The following GRM5 variants were observed in gnomAD, a reference collection of about 807,000 sequenced individuals.
The protein encoded by GRM5 is metabotropic glutamate receptor 5.
GRM5 carries 19 observed loss-of-function variants against 83.1 expected under a neutral mutation model. The ratio of observed to expected loss-of-function variants is 0.23; its 90% confidence interval spans 0.16 to 0.34. The LOEUF is 0.34. Among genes scored for constraint, GRM5 ranks in the 10% least tolerant of loss-of-function variants. The probability of loss-of-function intolerance (pLI) is 1.00; values close to 1 mark genes in which losing one functional copy is unlikely to be tolerated. For missense variants in GRM5, 1,160 were observed against 1,588.3 expected (o/e 0.73, Z 4.58); for synonymous variants, 675 against 633.6 (o/e 1.07, Z -0.98).
intron 3 of GRM5, among the ~76,000 whole-genome samples, chr11:88,682,804 T>C (rs1591437569): frequency 6.6e-6 from 1 of 152,190 alleles, no homozygotes; most frequent in East Asian, 1.9e-4. Context: ...TAAAGAAATA[T>C]GGACTTTTTC....
In GRM5 at chr11:88,851,916, T is replaced by G. The variant is rs533614780; in HGVS notation, c.662-1761A>C. On this transcript the variant is annotated intron_variant, in intron 2 of 9. Transcript: ENST00000305447. ...GCAATTAACAAAGTTTAAAGGGCAC[T>G]TTCTGAAAAATGTGCCAAAGGGCCT... Among the ~76,000 whole-genome samples the G allele has an allele frequency of 2.0e-5, 3 of 152,332 alleles. No individual in the cohort carries two copies. The South Asian group carries it at 6.2e-4, about 32-fold the overall frequency.
chr11:88,584,301 A>G (rs1212007088), intron 7 of GRM5, among the ~76,000 whole-genome samples: 1 of 151,934 alleles, frequency 6.6e-6, no homozygotes, highest in East Asian at 1.9e-4. Flanking sequence ...TTCTCTTACT[A>G]GATGATACTG....
At chr11:88,938,756 CTTTT>C (rs1182573029) in intron 2 of GRM5, among the ~76,000 whole-genome samples, 2 of 151,588 alleles carry the variant, frequency 1.3e-5, no homozygotes, top group East Asian at 3.9e-4. Flanking sequence ...ATTTGAATGT[CTTTT>C]TTTAACGAAT....
At chr11:88,576,316 G>T (rs780904446) in intron 7 of GRM5, among the ~76,000 whole-genome samples, 1 of 152,120 alleles carries the variant, frequency 6.6e-6, no homozygotes, top group Non-Finnish European at 1.5e-5. Context: ...GCCTGTACCC[G>T]TCATAGCACT....
intron 2 of GRM5, among the ~76,000 whole-genome samples, chr11:88,926,157 C>T (rs1246326187): frequency 6.6e-6 from 1 of 152,136 alleles, no homozygotes; most frequent in African/African-American, 2.4e-5. Context: ...TCAATGAATA[C>T]ATTACTTCTG....
chr11:88,781,686 C>T (rs1293198328), intron 3 of GRM5, among the ~76,000 whole-genome samples: 1 of 152,194 alleles, frequency 6.6e-6, no homozygotes, highest in Non-Finnish European at 1.5e-5. Flanking sequence ...TTGAAGAGTT[C>T]CTGCATTCCT....
At chr11:88,862,259 T>C (rs557128243) in intron 2 of GRM5, among the ~76,000 whole-genome samples, 34 of 152,334 alleles carry the variant, frequency 2.2e-4, no homozygotes, top group African/African-American at 7.9e-4. Context: ...ATTTGTCTCC[T>C]CAATTACAAA....
At chr11:88,681,992 C>T (rs1229800775) in intron 3 of GRM5, among the ~76,000 whole-genome samples, 2 of 152,160 alleles carry the variant, frequency 1.3e-5, no homozygotes, top group African/African-American at 2.4e-5. Flanking sequence ...TACTACCACA[C>T]ATTTAGCTAT....
At chr11:88,618,425 A>G (rs1938542151) in intron 4 of GRM5, among the ~76,000 whole-genome samples, 1 of 152,274 alleles carries the variant, frequency 6.6e-6, no homozygotes, top group East Asian at 1.9e-4. Flanking sequence ...GTTATATTCA[A>G]TTCTTTTTTC....
At chr11:88,553,139 C>A (rs1458168619) in intron 8 of GRM5, among the ~76,000 whole-genome samples, 2 of 152,262 alleles carry the variant, frequency 1.3e-5, no homozygotes, top group East Asian at 3.9e-4. Context: ...TGAAGTTGGA[C>A]TTCTGTTGTG....
At chr11:88,669,308 C>T (rs11020866) in intron 3 of GRM5, among the ~76,000 whole-genome samples, 2,717 of 152,150 alleles carry the variant, frequency 0.018, 64 homozygotes, top group East Asian at 0.095. Flanking sequence ...ATGACCTTGG[C>T]AACCTAGCTA....
At chr11:88,823,322 G>T (rs12279500) in intron 3 of GRM5, among the ~76,000 whole-genome samples, 3,873 of 151,308 alleles carry the variant, frequency 0.026, 174 homozygotes, top group African/African-American at 0.089. Context: ...AGCATTTCCT[G>T]CCACTTTTAA....
At chr11:88,993,134 C>T (rs1252583944) in intron 2 of GRM5, among the ~76,000 whole-genome samples, 21 of 151,788 alleles carry the variant, frequency 1.4e-4, no homozygotes, top group East Asian at 7.8e-4. Flanking sequence ...GGCATCCTGG[C>T]GGGCGCCTGT....
chr11:88,589,185 C>T (rs1473809215), intron 7 of GRM5, among the ~76,000 whole-genome samples: 2 of 150,382 alleles, frequency 1.3e-5, no homozygotes, highest in African/African-American at 5.0e-5. Flanking sequence ...TGCTCCTCAC[C>T]CTTCTTCAAG....
chr11:88,952,397 C>T (rs1409737371), intron 2 of GRM5, among the ~76,000 whole-genome samples: 2 of 152,190 alleles, frequency 1.3e-5, no homozygotes, highest in African/African-American at 4.8e-5. Flanking sequence ...CATACACTAG[C>T]CTGAAGGCTG....
At chr11:88,952,855 A>G (rs1445615709) in intron 2 of GRM5, among the ~76,000 whole-genome samples, 9 of 152,212 alleles carry the variant, frequency 5.9e-5, no homozygotes, top group Non-Finnish European at 2.9e-5. Context: ...ATTTCCATCC[A>G]TTATCCCATA....
chr11:89,024,532 A>G (rs1344737207), intron 2 of GRM5, among the ~76,000 whole-genome samples: 1 of 152,212 alleles, frequency 6.6e-6, no homozygotes, highest in Non-Finnish European at 1.5e-5. Context: ...ATTGAGGTAG[A>G]GTTTATTAAA....
intron 3 of GRM5, among the ~76,000 whole-genome samples, chr11:88,695,913 A>G (rs6483373): frequency 0.98 from 148,679 of 152,252 alleles, 72,708 homozygotes; most frequent in East Asian, 1. Context: ...AAACCTCAGT[A>G]GGCATGTGTT....
At chr11:88,865,942 C>G (rs1171615571) in intron 2 of GRM5, among the ~76,000 whole-genome samples, 4 of 152,088 alleles carry the variant, frequency 2.6e-5, no homozygotes, top group Admixed American at 2.0e-4. Context: ...AATAGGAACA[C>G]TTTTACACTG....
Sources: allele counts gnomAD v4.1 joint callset (sites outside exome capture counted in the v4.1 genomes callset), GRCh38; gene constraint gnomAD v4.1.1; transcripts MANE v1.5; gene names NCBI Gene and HGNC (gene_info 2026-07-23, HGNC 2026-07-21).